Variants in ATRN observed in about 807,000 individuals in gnomAD.
The protein encoded by ATRN is attractin-2.
In ATRN, 54 loss-of-function variants were observed where a neutral mutation model predicts 178.7. The observed-to-expected ratio is 0.30, with a 90% CI of 0.24 to 0.38. ATRN has a LOEUF of 0.38. Among genes scored for constraint, ATRN ranks in the 10% least tolerant of loss-of-function variants. The pLI, the probability that ATRN is intolerant of heterozygous loss-of-function variation, is 1.00. For synonymous variants in ATRN, 636 were observed against 663.0 expected, an observed-to-expected ratio of 0.96 and a Z score of 0.63; for missense variants, 1,443 against 1,815.1, an observed-to-expected ratio of 0.79 and a Z score of 3.73.
intron 14 of ATRN, among the ~76,000 whole-genome samples, chr20:3,577,247 T>A (rs546579536): frequency 6.6e-5 from 10 of 152,362 alleles, no homozygotes; most frequent in African/African-American, 2.4e-4. Context: ...AGCTTGGTTC[T>A]GTATCACTGA....
At chr20:3,533,975 A>C (rs1335231356) in intron 1 of ATRN, among the ~76,000 whole-genome samples, 1 of 152,124 alleles carries the variant, frequency 6.6e-6, no homozygotes, top group Non-Finnish European at 1.5e-5. Flanking sequence ...ATTTTAATTG[A>C]TACAGATTTC....
intron 19 of ATRN, among the ~76,000 whole-genome samples, chr20:3,592,964 C>T (rs577006901): frequency 7.6e-4 from 115 of 152,160 alleles, no homozygotes; most frequent in Non-Finnish European, 1.3e-3. Flanking sequence ...AGACTTAATC[C>T]GTTAGACAGT....
intron 6 of ATRN, among the ~76,000 whole-genome samples, chr20:3,557,518 A>G (rs1215402801): frequency 6.6e-6 from 1 of 152,192 alleles, no homozygotes; most frequent in Non-Finnish European, 1.5e-5. Flanking sequence ...GGGAAAGAGT[A>G]CTATGAGCTC....
chr20:3,472,072 A>G (rs756494107), intron 1 of ATRN, among the ~76,000 whole-genome samples: 26 of 152,188 alleles, frequency 1.7e-4, no homozygotes, highest in Admixed American at 1.7e-3. Context: ...AAAGTGAGGA[A>G]ACTAGCCTTT....
At chr20:3,532,948 G>C (rs111577857) in intron 1 of ATRN, among the ~76,000 whole-genome samples, 1 of 152,156 alleles carries the variant, frequency 6.6e-6, no homozygotes, top group African/African-American at 2.4e-5. Flanking sequence ...AATTTTAGTA[G>C]AGACGGGGTT....
chr20:3,490,522 A>C (rs2084774628), intron 1 of ATRN: 1 of 1,190,926 alleles, frequency 8.4e-7, no homozygotes, highest in East Asian at 2.3e-5. Context: ...TTGGTCAGAG[A>C]TGGACAGGTA....
chr20:3,555,243 T>C (rs2085859150), intron 6 of ATRN, among the ~76,000 whole-genome samples: 1 of 151,650 alleles, frequency 6.6e-6, no homozygotes, highest in African/African-American at 2.4e-5. Flanking sequence ...GACCTCGTGA[T>C]CCACCCGCCT....
intron 11 of ATRN, among the ~76,000 whole-genome samples, chr20:3,567,865 A>G (rs557489817): frequency 5.9e-4 from 90 of 152,332 alleles, no homozygotes; most frequent in Non-Finnish European, 1.2e-3. Flanking sequence ...CTGTGCAACC[A>G]GATGGATTCA....
chr20:3,632,395 C>A lies in ATRN; in HGVS notation c.3864-1916C>A, dbSNP rs2086996072. On this transcript the variant is annotated intron_variant, in intron 25 of 28. Coordinates refer to ENST00000262919, the MANE Select transcript of ATRN (RefSeq NM_139321.3). The surrounding 1 kb of genome is among the most constrained non-coding windows in gnomAD (Gnocchi z 4.2). ...GTGCCCCACATGATCTGCCCTTCAC[C>A]CTCACCCTTCTCTCTGCCTTTGTCT... 6.6e-6 allele frequency among the ~76,000 whole-genome samples: 1 copy of A among 152,114 alleles called. No homozygotes were observed. Among genetic ancestry groups the A allele is most frequent in the East Asian group, 1.9e-4 (1 of 5,176 alleles).
chr20:3,583,416 TA>T (rs1391207643), intron 16 of ATRN, among the ~76,000 whole-genome samples: 2 of 152,230 alleles, frequency 1.3e-5, no homozygotes, highest in Non-Finnish European at 2.9e-5. Context: ...CACAAGTGTG[TA>T]AATACACTTG....
At position 3,562,419 on chromosome 20, in the gene ATRN, G is replaced by A; in HGVS notation, c.1591G>A (p.Ala531Thr). ...KAFSANKYRL[A>T]DDLYRYDVDT... ...TTTCAGTGCCAATAAGTACCGGCTT[G>A]CAGATGATCTCTACCGATATGATGT... The change falls in exon 9 of 29, where the codon GCA (alanine) becomes ACA (threonine). Residue 531 changes from alanine to threonine, a missense_variant. Transcript: ENST00000262919. The A allele has an allele frequency of 6.2e-7, 1 of 1,614,184 alleles. No homozygotes were observed. The highest frequency in any genetic ancestry group is 2.2e-5 in the East Asian group (1 of 44,890).
In ATRN at chr20:3,471,508, G is replaced by T; in HGVS notation, c.401G>T (p.Gly134Val). The change falls in exon 1 of 29, where the codon GGC becomes GTC. Residue 134 changes from glycine (G) to valine (V), a missense_variant. Coordinates refer to ENST00000262919, the MANE Select transcript of ATRN (RefSeq NM_139321.3). ...GGCGAGCAATGCCAGCACTGCGGGG[G>T]CCGCTTCAGGTGAGTGGCGGGTGGT... ...WVGEQCQHCG[G>V]RFRLTGSSGF... The T allele has an allele frequency of 7.1e-7, 1 of 1,403,268 alleles. No individual in the cohort carries two copies. The highest frequency in any genetic ancestry group is 9.2e-7 in the Non-Finnish European group (1 of 1,087,262). 86.9% of individuals were successfully genotyped at this position (1,403,268 alleles called of 1,614,324 possible).
intron 1 of ATRN, among the ~76,000 whole-genome samples, chr20:3,493,188 C>G (rs1370846029): frequency 6.6e-6 from 1 of 150,490 alleles, no homozygotes; most frequent in East Asian, 1.9e-4. Flanking sequence ...GGTTCTCACT[C>G]TGCCACCAGG....
At chr20:3,555,942 T>G (rs2085870652) in intron 6 of ATRN, among the ~76,000 whole-genome samples, 1 of 152,192 alleles carries the variant, frequency 6.6e-6, no homozygotes, top group Non-Finnish European at 1.5e-5. Flanking sequence ...AGGAGATTCC[T>G]TCCAACTGCT....
intron 13 of ATRN, among the ~76,000 whole-genome samples, 160 bp from the exon 14 acceptor site, chr20:3,576,691 GTCTGTCTA>G (rs1245029424): frequency 3.6e-5 from 2 of 55,942 alleles, no homozygotes; most frequent in African/African-American, 1.1e-4. Context: ...CTGTCTGTCT[GTCTGTCTA>G]TCTATCTATC....
intron 27 of ATRN, among the ~76,000 whole-genome samples, chr20:3,642,293 T>C: frequency 6.6e-6 from 1 of 152,232 alleles, no homozygotes; most frequent in African/African-American, 2.4e-5. Context: ...AGTTGCCTAC[T>C]CAGTGTCCCC....
At chr20:3,499,640 G>C (rs1313550953) in intron 1 of ATRN, among the ~76,000 whole-genome samples, 1 of 147,476 alleles carries the variant, frequency 6.8e-6, no homozygotes. Flanking sequence ...TATGTAGAAA[G>C]CTGAAACTGG....
chr20:3,592,586 A>C (rs551716069), intron 19 of ATRN: 30 of 693,576 alleles, frequency 4.3e-5, no homozygotes, highest in South Asian at 2.0e-4. Context: ...AAGACTTTTC[A>C]AAGTTCTGAG....
chr20:3,484,591 A>G (rs1199299781), intron 1 of ATRN, among the ~76,000 whole-genome samples: 1 of 152,100 alleles, frequency 6.6e-6, no homozygotes, highest in African/African-American at 2.4e-5. Context: ...TTAAAACTTC[A>G]GACTTGTCTT....
Sources: gnomAD v4.1 joint callset for allele counts (sites outside exome capture counted in the v4.1 genomes callset) on GRCh38, gnomAD v4.1.1 for gene constraint, Gnocchi (gnomAD v3.1) non-coding constraint, MANE v1.5 for transcripts, NCBI Gene and HGNC (gene_info 2026-07-23, HGNC 2026-07-21) for gene names.